ARL6IP5: variants seen among roughly 807,000 people sequenced by gnomAD.
ARL6IP5 encodes the protein ARF like GTPase 6 interacting protein 5, also known as PRA1 family protein 3.
ARL6IP5 carries 6 observed loss-of-function variants against 13.0 expected under a neutral mutation model. That is an observed-to-expected ratio of 0.46 (90% confidence interval 0.25 to 0.91). The LOEUF (loss-of-function observed/expected upper bound fraction) is 0.91. Among genes scored for constraint, ARL6IP5 ranks in the 40% least tolerant of loss-of-function variants. The probability of loss-of-function intolerance (pLI) is 0.17; values close to 1 mark genes in which losing one functional copy is unlikely to be tolerated. For synonymous variants in ARL6IP5, 91 were observed against 91.9 expected (o/e 0.99, Z 0.06); for missense variants, 208 against 248.8 (o/e 0.84, Z 1.10).
chr3:69,089,668 C>A, intron 1 of ARL6IP5: 1 of 334,816 alleles, frequency 3.0e-6, no homozygotes, highest in Non-Finnish European at 5.9e-6. Flanking sequence ...TTATTTTCTG[C>A]CATTAGAACT....
rs183555569 is a variant in ARL6IP5 at position 69,091,794 on chromosome 3, C to T, written c.176+6571C>T. On this transcript the variant is annotated intron_variant, in intron 1 of 2. Transcript: ENST00000273258. The stretch of plus-strand genomic sequence containing the variant: ...AATGAGTGTATTTTGGATTCCTGGC[C>T]CCCTGTCTTAGAAAGGAGAAGCTCT... 2.6e-4 allele frequency among the ~76,000 whole-genome samples: 39 copies of T among 151,880 alleles called. No homozygotes were observed. The East Asian group carries it at 6.8e-3, about 26-fold the overall frequency.
chr3:69,102,242 G>A (rs933644913), intron 2 of ARL6IP5, 186 bp downstream of exon 2: 1 of 628,298 alleles, frequency 1.6e-6, no homozygotes, highest in African/African-American at 1.8e-5. Flanking sequence ...CAAGAACTAT[G>A]AGGTCAAGGC....
Position 69,101,782 on chromosome 3 carries a change from T to A in ARL6IP5, c.177-57T>A, listed in dbSNP as rs2092305997. ...AATTGTTTTTACTCCTCTTTCTCCT[T>A]TTGCTACTTCTATTGCTGAACTAGT... is the stretch of plus-strand genomic sequence containing the variant. On this transcript the variant is annotated intron_variant, in intron 1 of 2. Transcript: ENST00000273258. 4.9e-6 allele frequency: 7 copies of A among 1,431,902 alleles called. No homozygotes were observed. In the East Asian group the frequency reaches 1.7e-4, roughly 34 times the overall value. 88.7% of individuals were successfully genotyped at this position (1,431,902 alleles called of 1,614,324 possible).
intron 2 of ARL6IP5, among the ~76,000 whole-genome samples, chr3:69,102,419 A>C (rs1370068628): frequency 6.6e-6 from 1 of 152,126 alleles, no homozygotes; most frequent in Non-Finnish European, 1.5e-5. Flanking sequence ...GTGCACACCC[A>C]GCTAATTTTT....
intron 1 of ARL6IP5, among the ~76,000 whole-genome samples, chr3:69,088,060 T>C (rs1575857501): frequency 6.6e-6 from 1 of 152,338 alleles, no homozygotes; most frequent in Admixed American, 6.5e-5. Context: ...CTGTTACTTT[T>C]TTTTTATCAT....
chr3:69,101,055 G>T lies in ARL6IP5; in HGVS notation c.177-784G>T, dbSNP rs2092303801. ...AAAAGTTTTTTAAAACACTGTACAG[G>T]CCAAACAAAAATGTGACTGTATACT... is the stretch of plus-strand genomic sequence containing the variant. On this transcript the variant is annotated intron_variant, in intron 1 of 2. Coordinates refer to ENST00000273258, the MANE Select transcript of ARL6IP5 (RefSeq NM_006407.4). Among the ~76,000 whole-genome samples the T allele has an allele frequency of 2.6e-5, 4 of 152,058 alleles. No homozygotes were observed. In the South Asian group the frequency reaches 8.3e-4, roughly 32 times the overall value.
chr3:69,085,842 C>G (rs932026892), intron 1 of ARL6IP5, among the ~76,000 whole-genome samples: 2 of 152,118 alleles, frequency 1.3e-5, no homozygotes, highest in Non-Finnish European at 2.9e-5. Context: ...CCAGCAGTGG[C>G]CAGGCGTGGT....
chr3:69,094,495 A>AT (rs2092280651), intron 1 of ARL6IP5, among the ~76,000 whole-genome samples: 1 of 152,198 alleles, frequency 6.6e-6, no homozygotes, highest in Non-Finnish European at 1.5e-5. Flanking sequence ...CCTCTGGCTG[A>AT]TTAAGGACCA....
At chr3:69,101,623 C>T (rs930117805) in intron 1 of ARL6IP5, among the ~76,000 whole-genome samples, 3 of 151,970 alleles carry the variant, frequency 2.0e-5, no homozygotes, top group African/African-American at 2.4e-5. Context: ...TCCTGGCCTT[C>T]CCCACCATTT....
rs549505260 is a variant in ARL6IP5 at position 69,096,148 on chromosome 3, G to A, written c.177-5691G>A. 3.9e-5 allele frequency among the ~76,000 whole-genome samples: 6 copies of A among 152,222 alleles called. 1 individual carries two copies. Among genetic ancestry groups the A allele is most frequent in the African/African-American group, 1.2e-4 (5 of 41,508 alleles). On this transcript the variant is annotated intron_variant, in intron 1 of 2. Coordinates refer to ENST00000273258, the MANE Select transcript of ARL6IP5 (RefSeq NM_006407.4). ...AATAATTTCTGCTCAGAGTAACTTC[G>A]TTAGTTTTTTTCCAGCTTGGAAACT... is the stretch of plus-strand genomic sequence containing the variant.
rs531465665 is a variant in ARL6IP5, at chr3:69,104,142, A to T, written c.395-322A>T. Among the ~76,000 whole-genome samples, 5 of 152,256 alleles carry T rather than the reference A, an allele frequency of 3.3e-5. No homozygotes were observed. The East Asian group carries it at 9.6e-4, about 29-fold the overall frequency. ...AAGTAGGATGGAATCCCGTTGATTC[A>T]CTCTGAATTTCAGGACATTTAAGTA... is the stretch of plus-strand genomic sequence containing the variant. On this transcript the variant is annotated intron_variant, in intron 2 of 2. Coordinates refer to ENST00000273258, the MANE Select transcript of ARL6IP5 (RefSeq NM_006407.4).
intron 1 of ARL6IP5, chr3:69,089,719 A>C: frequency 2.3e-6 from 1 of 444,424 alleles, no homozygotes; most frequent in Admixed American, 2.4e-5. Context: ...AACCACACAC[A>C]GAATTTGCAA....
rs2092316891 is a variant in ARL6IP5, at chr3:69,104,675, G to A, written c.*39G>A. ...GAGCTAGGGTTGCAGCAGAAATTGA[G>A]TTGCAGCTTGCCCTTGTCCAGACCT... On this transcript the variant is annotated 3_prime_UTR_variant, in exon 3 of 3. Coordinates refer to ENST00000273258, the MANE Select transcript of ARL6IP5 (RefSeq NM_006407.4). The A allele has an allele frequency of 1.2e-6, 2 of 1,602,586 alleles. No individual in the cohort carries two copies. The highest frequency in any genetic ancestry group is 1.7e-6 in the Non-Finnish European group (2 of 1,172,876).
intron 1 of ARL6IP5, among the ~76,000 whole-genome samples, chr3:69,094,699 A>G (rs1485656012): frequency 2.6e-5 from 4 of 152,210 alleles, no homozygotes; most frequent in Admixed American, 2.6e-4. Flanking sequence ...TTGGCCTTGC[A>G]GCCTGACAGG....
At chr3:69,088,480 G>A (rs2092254955) in intron 1 of ARL6IP5, among the ~76,000 whole-genome samples, 2 of 152,270 alleles carry the variant, frequency 1.3e-5, no homozygotes, top group South Asian at 2.1e-4. Context: ...GCTTAGATGA[G>A]GATAGAGAGG....
chr3:69,098,355 C>T (rs1190751552), intron 1 of ARL6IP5, among the ~76,000 whole-genome samples: 1 of 151,562 alleles, frequency 6.6e-6, no homozygotes, highest in African/African-American at 2.4e-5. Flanking sequence ...AGCAATTCTC[C>T]TGCCTCAGCC....
chr3:69,099,621 C>A (rs1174190414), intron 1 of ARL6IP5, among the ~76,000 whole-genome samples: 4 of 152,258 alleles, frequency 2.6e-5, no homozygotes, highest in East Asian at 1.9e-4. Flanking sequence ...ATCCTGAATA[C>A]GAATCCCAAT....
At chr3:69,093,552 C>T (rs974043853) in intron 1 of ARL6IP5, among the ~76,000 whole-genome samples, 3 of 151,950 alleles carry the variant, frequency 2.0e-5, no homozygotes, top group Admixed American at 6.6e-5. Context: ...CACTTGAGGT[C>T]AGGAGTTCGA....
intron 2 of ARL6IP5, chr3:69,102,278 A>T: frequency 1.7e-6 from 1 of 574,342 alleles, no homozygotes; most frequent in Non-Finnish European, 3.1e-6. Context: ...TTCCACAAAT[A>T]TTTGTTGGGG....
Sources: gnomAD v4.1 joint callset for allele counts (sites outside exome capture counted in the v4.1 genomes callset) on GRCh38, gnomAD v4.1.1 for gene constraint, MANE v1.5 for transcripts, NCBI Gene and HGNC (gene_info 2026-07-23, HGNC 2026-07-21) for gene names.